The following MMP28 variants were observed in gnomAD, a reference collection of about 807,000 sequenced individuals.
The protein encoded by MMP28 is matrix metallopeptidase 28.
In MMP28, 55 loss-of-function variants were observed where a neutral mutation model predicts 60.5. That is an observed-to-expected ratio of 0.91 (90% CI 0.73 to 1.14). The LOEUF (loss-of-function observed/expected upper bound fraction) is 1.14, where lower values mean the gene tolerates loss of function less well. Among genes scored for constraint, MMP28 ranks in the 50% most tolerant of loss-of-function variants. The pLI is 0.00. For missense variants in MMP28, 686 were observed against 738.3 expected (o/e 0.93, Z 0.82); for synonymous variants, 318 against 312.5 (o/e 1.02, Z -0.18).
chr17:35,777,367 A>G (rs556985130), intron 3 of MMP28, among the ~76,000 whole-genome samples: 2 of 152,182 alleles, frequency 1.3e-5, no homozygotes, highest in Admixed American at 6.5e-5. Flanking sequence ...CCGGAGCCGG[A>G]CCCCATTGCT....
At chr17:35,762,991 G>T (rs587737396), downstream of MMP28, among the ~76,000 whole-genome samples, 2 of 151,958 alleles carry the variant, frequency 1.3e-5, no homozygotes, top group South Asian at 2.1e-4. Flanking sequence ...GCGTGGTGGC[G>T]GGCGCCTATA....
chr17:35,765,978 C>T lies in MMP28; in HGVS notation c.*522G>A. The T allele has an allele frequency of 2.0e-6, 2 of 985,434 alleles. No individual in the cohort carries two copies. Among genetic ancestry groups the T allele is most frequent in the Non-Finnish European group, 2.4e-6 (2 of 829,938 alleles). 61.0% of individuals were successfully genotyped at this position (985,434 alleles called of 1,614,324 possible). A position where few individuals can be genotyped will look rare whatever the true frequency, so the allele number is the denominator to read the frequency against. ...CCTCCCACTCTGTGTCCTGACCCCA[C>T]AAAGGGCCTCTGAGGTTGGAGACGC... is the stretch of plus-strand genomic sequence containing the variant. On this transcript the variant is annotated 3_prime_UTR_variant, in exon 8 of 8. Coordinates refer to ENST00000605424, the MANE Select transcript of MMP28 (RefSeq NM_024302.5).
chr17:35,786,525 A>G (rs1037043361), intron 1 of MMP28, among the ~76,000 whole-genome samples: 1 of 152,032 alleles, frequency 6.6e-6, no homozygotes, highest in Non-Finnish European at 1.5e-5. Context: ...TGACTATTTG[A>G]GATTGTGCTT....
chr17:35,787,569 C>T (rs1458675611), intron 1 of MMP28, among the ~76,000 whole-genome samples: 1 of 152,198 alleles, frequency 6.6e-6, no homozygotes, highest in African/African-American at 2.4e-5. Flanking sequence ...CAGCTCACTG[C>T]AATCTCCGCC....
chr17:35,785,782 C>T (rs2086630950), intron 1 of MMP28, among the ~76,000 whole-genome samples: 1 of 152,108 alleles, frequency 6.6e-6, no homozygotes, highest in Admixed American at 6.5e-5. Flanking sequence ...ATATATATTC[C>T]AGCTCTATCC....
At chr17:35,791,946 G>A (rs1441183051) in intron 1 of MMP28, among the ~76,000 whole-genome samples, 1 of 152,040 alleles carries the variant, frequency 6.6e-6, no homozygotes, top group Non-Finnish European at 1.5e-5. Context: ...ACAGATTCCA[G>A]CTACTTCAAC....
rs772845386 is a variant in MMP28, at chr17:35,770,226, C to G, written c.691G>C (p.Gly231Arg). ...DERWSLSRRR[G>R]RNLFVVLAHE... ...GCCAGCACCACGAACAGGTTGCGCC[C>G]GCGGCGGCGGCTCAGGGACCAGCGC... The change falls in exon 5 of 8, where the codon GGG becomes CGG. Residue 231 changes from glycine (G) to arginine (R), a missense_variant. By Grantham distance (125) the Gly-to-Arg change is moderately radical. Coordinates refer to ENST00000605424, the MANE Select transcript of MMP28 (RefSeq NM_024302.5). 1.9e-5 allele frequency: 31 copies of G among 1,595,582 alleles called. No homozygotes were observed. The highest frequency in any genetic ancestry group is 3.4e-5 in the Admixed American group (2 of 59,038).
chr17:35,791,381 T>G (rs549311220), intron 1 of MMP28, among the ~76,000 whole-genome samples: 31 of 151,954 alleles, frequency 2.0e-4, no homozygotes, highest in Non-Finnish European at 3.8e-4. Flanking sequence ...TACAAAAATA[T>G]TTTAGAATTA....
intron 1 of MMP28, among the ~76,000 whole-genome samples, chr17:35,794,481 G>A (rs1363426106): frequency 6.6e-6 from 1 of 151,866 alleles, no homozygotes; most frequent in African/African-American, 2.4e-5. Context: ...CCTGACCTAA[G>A]GTTATCCGCC....
At chr17:35,759,556 C>A (rs1210415773) in intron 2 of MMP28, among the ~76,000 whole-genome samples, 2 of 152,042 alleles carry the variant, frequency 1.3e-5, no homozygotes, top group African/African-American at 4.8e-5. Flanking sequence ...AAAAAATTAG[C>A]CAGGTGTGGT....
At chr17:35,783,046 T>C (rs2086551979) in intron 1 of MMP28, among the ~76,000 whole-genome samples, 1 of 152,184 alleles carries the variant, frequency 6.6e-6, no homozygotes, top group South Asian at 2.1e-4. Flanking sequence ...CAGGATGGTC[T>C]TGATCTCCTG....
downstream of MMP28, chr17:35,760,961 G>C: frequency 6.2e-7 from 1 of 1,612,834 alleles, no homozygotes; most frequent in Non-Finnish European, 8.5e-7. Context: ...CATGGTGAGT[G>C]GGGCTGGAGG....
intron 2 of MMP28, among the ~76,000 whole-genome samples, chr17:35,759,591 C>T (rs944389083): frequency 1.3e-5 from 2 of 152,114 alleles, no homozygotes; most frequent in African/African-American, 4.8e-5. Flanking sequence ...GTCCCAGCCA[C>T]TTGGGAGGCT....
chr17:35,778,869 G>A lies in MMP28; in HGVS notation c.379+19C>T, dbSNP rs368124340. Reference sequence around the variant, plus strand: ...GACATTGGGAAATCTTGGCCTAGCCGGATTTTAACAGTGCTCACCTTGCTT... The same window carrying A: ...GACATTGGGAAATCTTGGCCTAGCCAGATTTTAACAGTGCTCACCTTGCTT... On this transcript the variant is annotated intron_variant, in intron 3 of 7. Transcript: ENST00000605424. 64 of 1,613,890 alleles carry A rather than the reference G, an allele frequency of 4.0e-5. No homozygotes were observed. Among genetic ancestry groups the A allele is most frequent in the African/African-American group, 3.9e-4 (29 of 74,926 alleles).
intron 1 of MMP28, among the ~76,000 whole-genome samples, chr17:35,782,962 G>A (rs1022209565): frequency 4.1e-4 from 62 of 152,306 alleles, no homozygotes; most frequent in African/African-American, 1.4e-3. Context: ...GAGTAGCTGG[G>A]ACTACAGGCA....
intron 7 of MMP28, chr17:35,767,130 C>T (rs1367637384): frequency 2.3e-5 from 16 of 701,546 alleles, no homozygotes; most frequent in African/African-American, 7.0e-5. Context: ...CAGATAGCCC[C>T]GAAAGGAAGG....
At chr17:35,769,327 C>T (rs1389117345) in intron 5 of MMP28, among the ~76,000 whole-genome samples, 1 of 152,238 alleles carries the variant, frequency 6.6e-6, no homozygotes, top group Non-Finnish European at 1.5e-5. Context: ...AAAGCATGCT[C>T]ATACCCAGTA....
At position 35,766,868 on chromosome 17, in the gene MMP28, G is replaced by T; in HGVS notation, c.1195C>A (p.Pro399Thr). 6.3e-7 allele frequency: 1 copy of T among 1,579,972 alleles called. No individual in the cohort carries two copies. Among genetic ancestry groups the T allele is most frequent in the East Asian group, 2.3e-5 (1 of 43,066 alleles). Reference protein sequence around the residue: ...KGGRCWRFRGPKPVWGLPQLC... With the variant: ...KGGRCWRFRGTKPVWGLPQLC... ...TGTGGGAGACCCCACACTGGCTTGG[G>T]GCCCCGGAACCTCCAGCATCGACCC... Residue 399 changes from proline to threonine, a missense_variant, in exon 8 of 8, where the codon CCC (proline) becomes ACC (threonine). By Grantham distance (38) the Pro-to-Thr change is conservative (BLOSUM62 -1). Coordinates refer to ENST00000605424, the MANE Select transcript of MMP28 (RefSeq NM_024302.5). This position sits in a 1 kb window ranked among gnomAD's most constrained non-coding sequence, Gnocchi z 4.3.
intron 3 of MMP28, among the ~76,000 whole-genome samples, chr17:35,774,506 C>T (rs1048535439): frequency 2.2e-4 from 33 of 152,344 alleles, no homozygotes; most frequent in African/African-American, 7.9e-4. Flanking sequence ...GGCACATTTG[C>T]CAGGACGCCA....
Sources: allele counts gnomAD v4.1 joint callset (sites outside exome capture counted in the v4.1 genomes callset), GRCh38; gene constraint gnomAD v4.1.1; non-coding constraint Gnocchi (gnomAD v3.1); transcripts MANE v1.5; gene names NCBI Gene and HGNC (gene_info 2026-07-23, HGNC 2026-07-21).